Variants in USP18 observed in about 807,000 individuals in gnomAD.
USP18 encodes ubiquitin specific peptidase 18.
In USP18, 11 loss-of-function variants were observed where a neutral mutation model predicts 48.7. That is an observed-to-expected ratio of 0.23 (90% CI 0.14 to 0.37). The LOEUF (loss-of-function observed/expected upper bound fraction) is 0.37, where lower values mean the gene tolerates loss of function less well. USP18 is among the 10% of genes least tolerant of loss of function. The probability of loss-of-function intolerance (pLI) is 1.00; values close to 1 mark genes in which losing one functional copy is unlikely to be tolerated. For missense variants in USP18, 285 were observed against 436.4 expected, an observed-to-expected ratio of 0.65 and a Z score of 3.09; for synonymous variants, 114 against 163.2, an observed-to-expected ratio of 0.70 and a Z score of 2.30.
intron 7 of USP18, 48 bp from the exon 8 acceptor site, chr22:18,170,705 C>T (rs376348136): frequency 2.8e-5 from 45 of 1,604,634 alleles, no homozygotes; most frequent in Non-Finnish European, 3.6e-5. Flanking sequence ...TTCTCTGACT[C>T]TCTCATTCCA....
intron 8 of USP18, among the ~76,000 whole-genome samples, chr22:18,172,397 G>A (rs1427771523): frequency 6.6e-6 from 1 of 152,054 alleles, no homozygotes; most frequent in African/African-American, 2.4e-5. Context: ...TCAAATATCT[G>A]GTCAACGTTC....
At chr22:18,173,884 A>G (rs1285162630) in intron 10 of USP18, 42 bp downstream of exon 10, 2 of 1,530,586 alleles carry the variant, frequency 1.3e-6, no homozygotes, top group African/African-American at 1.4e-5. Context: ...ATGAGCTCAC[A>G]TAGGGTCCTT....
At chr22:18,175,865 G>A (rs1490868652) in intron 10 of USP18, among the ~76,000 whole-genome samples, 4 of 150,158 alleles carry the variant, frequency 2.7e-5, no homozygotes, top group African/African-American at 1.0e-4. Context: ...CATAGTCCTA[G>A]CTACTCAGGA....
chr22:18,172,577 C>G (rs1337031518), intron 8 of USP18, among the ~76,000 whole-genome samples: 1 of 151,492 alleles, frequency 6.6e-6, no homozygotes, highest in Non-Finnish European at 1.5e-5. Flanking sequence ...CATATGCCAG[C>G]ACTGGCTGGT....
At chr22:18,157,848 T>C (rs371169938) in intron 2 of USP18, 28 bp downstream of exon 2, 25 of 1,612,856 alleles carry the variant, frequency 1.6e-5, no homozygotes, top group Non-Finnish European at 2.1e-5. Flanking sequence ...GTTTTCCTCT[T>C]CTTGACTGCA....
intron 1 of USP18, among the ~76,000 whole-genome samples, chr22:18,153,027 C>G (rs1406043238): frequency 6.6e-6 from 1 of 152,218 alleles, no homozygotes; most frequent in African/African-American, 2.4e-5. Context: ...CAGTTGAGTC[C>G]TCCTAGGCTG....
chr22:18,167,162 A>C, intron 4 of USP18, 93 bp from the exon 5 acceptor site: 1 of 1,474,824 alleles, frequency 6.8e-7, no homozygotes, highest in African/African-American at 1.4e-5. Flanking sequence ...GGAAGAGACA[A>C]AGTGATGAGT....
At position 18,155,624 on chromosome 22, in the gene USP18, A is replaced by AGCCG. The variant is rs999345997; in HGVS notation, c.-106-1926_-106-1923dup. On this transcript the variant is annotated intron_variant, in intron 1 of 10. Transcript: ENST00000215794. ...CGGCGGGCCCGCACTCGGAGCGGCC[A>AGCCG]GCCGGCCGGCCTGCAAGCCCCAGGC... is the stretch of plus-strand genomic sequence containing the variant. Among the ~76,000 whole-genome samples the AGCCG allele has an allele frequency of 1.4e-4, 20 of 140,108 alleles. 1 individual carries two copies. The highest frequency in any genetic ancestry group is 4.9e-4 in the Admixed American group (7 of 14,194). 91.9% of individuals were successfully genotyped at this position (140,108 alleles called of 152,430 possible).
At chr22:18,169,749 G>A (rs1337858524) in intron 6 of USP18, 95 bp from the exon 7 acceptor site, 10 of 1,405,724 alleles carry the variant, frequency 7.1e-6, no homozygotes, top group Middle Eastern at 1.8e-4. Context: ...CCCAGTCTCA[G>A]CTATTGTCTC....
Position 18,157,696 on chromosome 22 carries a change from C to T in USP18, c.33C>T (p.Ile11=). 2.5e-6 allele frequency: 4 copies of T among 1,614,104 alleles called. No individual in the cohort carries two copies. The highest frequency in any genetic ancestry group is 3.4e-6 in the Non-Finnish European group (4 of 1,180,004). MSKAFGLLRQ[I]CQSILAESSQ... ...AGGCGTTTGGGCTCCTGAGGCAAAT[C>T]TGTCAGTCCATCCTGGCTGAGTCCT... The change falls in exon 2 of 11, where the codon ATC becomes ATT. Residue 11 remains isoleucine, a synonymous_variant. Transcript: ENST00000215794.
At chr22:18,155,875 G>A (rs540207116) in intron 1 of USP18, among the ~76,000 whole-genome samples, 25 of 152,356 alleles carry the variant, frequency 1.6e-4, no homozygotes, top group South Asian at 1.2e-3. Flanking sequence ...GAGTGCGGGC[G>A]CACGGCGCGG....
intron 8 of USP18, 28 bp downstream of exon 8, chr22:18,170,948 C>T: frequency 2.9e-6 from 3 of 1,047,162 alleles, no homozygotes; most frequent in African/African-American, 5.9e-5. Context: ...TCCTTGCCAT[C>T]CTGCCTCTCC....
At chr22:18,173,583 C>T (rs1449002970) in intron 9 of USP18, among the ~76,000 whole-genome samples, 2 of 152,138 alleles carry the variant, frequency 1.3e-5, no homozygotes, top group Non-Finnish European at 1.5e-5. Flanking sequence ...TAAGTTAGGC[C>T]TCTGGGATAA....
intron 8 of USP18, among the ~76,000 whole-genome samples, chr22:18,171,772 TGGC>T (rs1237624744): frequency 3.3e-5 from 5 of 152,174 alleles, no homozygotes; most frequent in African/African-American, 1.2e-4. Flanking sequence ...TTGGTCTGTT[TGGC>T]TATTTATGCT....
In USP18 at chr22:18,173,283, T is replaced by C; in HGVS notation, c.1023+2T>C. ...TTCAATGACTCCAATATTTGCTTGGTAAGAAACATCATCCACAATTGCCTC... is the reference window on the plus strand; with the variant it reads ...TTCAATGACTCCAATATTTGCTTGGCAAGAAACATCATCCACAATTGCCTC... On this transcript the variant is annotated splice_donor_variant, in intron 9 of 10. Coordinates refer to ENST00000215794, the MANE Select transcript of USP18 (RefSeq NM_017414.4). LOFTEE classifies it high-confidence loss of function. 1.3e-6 allele frequency: 2 copies of C among 1,562,268 alleles called. No individual in the cohort carries two copies. Among genetic ancestry groups the C allele is most frequent in the Middle Eastern group, 1.7e-4 (1 of 5,808 alleles).
In USP18 at chr22:18,173,081, A is replaced by C. The variant is rs921553490; in HGVS notation, c.892-69A>C. On this transcript the variant is annotated intron_variant, in intron 8 of 10. Coordinates refer to ENST00000215794, the MANE Select transcript of USP18 (RefSeq NM_017414.4). ...TCCCAGAGTCGGGCCTAGTGTGGGC[A>C]GGTATAAATGTGTGAGGCAGTCGTG... The C allele has an allele frequency of 1.9e-6, 3 of 1,604,160 alleles. No homozygotes were observed. The African/African-American group carries it at 4.1e-5, about 22-fold the overall frequency.
intron 10 of USP18, among the ~76,000 whole-genome samples, chr22:18,174,524 C>T (rs1929728228): frequency 6.6e-6 from 1 of 152,126 alleles, no homozygotes; most frequent in Non-Finnish European, 1.5e-5. Context: ...GCCACCACAC[C>T]TGGCCTTCTT....
chr22:18,158,757 A>G (rs934079354), intron 2 of USP18, among the ~76,000 whole-genome samples: 1 of 152,050 alleles, frequency 6.6e-6, no homozygotes, highest in Non-Finnish European at 1.5e-5. Context: ...TAACCTTCTG[A>G]TTTATTTCCT....
chr22:18,160,453 A>G (rs1277304346), intron 3 of USP18, among the ~76,000 whole-genome samples, 185 bp downstream of exon 3: 1 of 151,730 alleles, frequency 6.6e-6, no homozygotes, highest in Non-Finnish European at 1.5e-5. Flanking sequence ...CTAGCCCGCC[A>G]CCATGCCTGG....
Sources: gnomAD v4.1 joint callset for allele counts (sites outside exome capture counted in the v4.1 genomes callset) on GRCh38, gnomAD v4.1.1 for gene constraint, MANE v1.5 for transcripts, NCBI Gene and HGNC (gene_info 2026-07-23, HGNC 2026-07-21) for gene names.